Variants in MUC12 observed in about 807,000 individuals in gnomAD.
MUC12 encodes the protein mucin 12, cell surface associated, also known as mucin-12.
Under a neutral mutation model 230.8 loss-of-function variants are expected in MUC12, and 172 were observed. That is an observed-to-expected ratio of 0.75 (90% CI 0.66 to 0.85). MUC12 has a LOEUF of 0.85. Among genes scored for constraint, MUC12 ranks in the 40% least tolerant of loss-of-function variants. The probability of loss-of-function intolerance (pLI) is 0.00; values close to 1 mark genes in which losing one functional copy is unlikely to be tolerated. For missense variants in MUC12, 3,506 were observed against 5,920.6 expected, an observed-to-expected ratio of 0.59 and a Z score of 13.38; for synonymous variants, 1,259 against 2,401.9, an observed-to-expected ratio of 0.52 and a Z score of 13.91.
chr7:101,014,258 T>C (rs865855714), intron 9 of MUC12, 184 bp downstream of exon 9: 22 of 547,278 alleles, frequency 4.0e-5, no homozygotes, highest in Middle Eastern at 4.9e-4. Context: ...TCCTGTAGGA[T>C]ACATCAATTT....
At chr7:101,014,266 T>C (rs1793882591) in intron 9 of MUC12, 192 bp downstream of exon 9, 1 of 514,384 alleles carries the variant, frequency 1.9e-6, no homozygotes, top group Non-Finnish European at 3.3e-6. Context: ...GATACATCAA[T>C]TTGGCAGTGT....
Position 100,991,714 on chromosome 7 carries a change from A to G in MUC12, c.1151A>G (p.Glu384Gly), listed in dbSNP as rs1242314873. 1.3e-6 allele frequency: 2 copies of G among 1,538,010 alleles called. No homozygotes were observed. The highest frequency in any genetic ancestry group is 2.4e-5 in the South Asian group (2 of 84,066). The change falls in exon 2 of 12, where the codon GAA becomes GGA. Residue 384 changes from glutamate to glycine, a missense_variant. Transcript: ENST00000536621. ...AGCTCCACAACTTCAGGCCATAGTGAAGAATCAGCAACTTTCCACGGCAGC... is the reference window on the plus strand; with the variant it reads ...AGCTCCACAACTTCAGGCCATAGTGGAGAATCAGCAACTTTCCACGGCAGC... ...PESSTTSGHS[E>G]ESATFHGSTT... is the part of the protein sequence containing the mutation.
chr7:100,971,367 A>C (rs569146223), intron 1 of MUC12, among the ~76,000 whole-genome samples: 12 of 146,062 alleles, frequency 8.2e-5, no homozygotes, highest in Non-Finnish European at 1.6e-4. Context: ...AGAGAGGGAG[A>C]CCTTGAGTTG....
chr7:100,992,534 A>C lies in MUC12; in HGVS notation c.1971A>C (p.Pro657=). 3.3e-6 allele frequency: 5 copies of C among 1,537,986 alleles called. No individual in the cohort carries two copies. Among genetic ancestry groups the C allele is most frequent in the Non-Finnish European group, 4.4e-6 (5 of 1,147,080 alleles). The change falls in exon 2 of 12, where the codon CCA becomes CCC. Residue 657 remains proline (P), a synonymous_variant. Transcript: ENST00000536621. Reference sequence around the variant, plus strand: ...CTACCACATCAGCCTTTGTTGAGCCATCTACAACCTCCCACGGCAGCCCGA... The same window carrying C: ...CTACCACATCAGCCTTTGTTGAGCCCTCTACAACCTCCCACGGCAGCCCGA... ...PPTTTSAFVE[P]STTSHGSPSS...
chr7:100,979,821 T>C (rs1458507868), intron 1 of MUC12, among the ~76,000 whole-genome samples: 2 of 149,568 alleles, frequency 1.3e-5, no homozygotes, highest in Non-Finnish European at 3.0e-5. Flanking sequence ...ATATATAACA[T>C]ATATACATGT....
Position 100,995,973 on chromosome 7 carries a change from A to G in MUC12, c.5410A>G (p.Thr1804Ala). ...AGAATCAAGAACTTCCCACAGCAGCACAACACACACAATATCTTCACCTCC... is the reference window on the plus strand; with the variant it reads ...AGAATCAAGAACTTCCCACAGCAGCGCAACACACACAATATCTTCACCTCC... ...SEESRTSHSS[T>A]THTISSPPST... Residue 1804 changes from threonine (T) to alanine (A), a missense_variant, in exon 2 of 12, where the codon ACA (threonine) becomes GCA (alanine). Thr to Ala is a moderately conservative substitution (Grantham distance 58, BLOSUM62 0). Transcript: ENST00000536621. The G allele has an allele frequency of 1.2e-6, 1 of 843,106 alleles. No homozygotes were observed. The highest frequency in any genetic ancestry group is 1.7e-6 in the Non-Finnish European group (1 of 579,860). 52.2% of individuals were successfully genotyped at this position (843,106 alleles called of 1,614,324 possible).
Position 100,994,075 on chromosome 7 carries a change from C to G in MUC12, c.3512C>G (p.Thr1171Arg). The G allele has an allele frequency of 9.8e-7, 1 of 1,025,344 alleles. No individual in the cohort carries two copies. Among genetic ancestry groups the G allele is most frequent in the Non-Finnish European group, 1.3e-6 (1 of 758,964 alleles). 63.5% of individuals were successfully genotyped at this position (1,025,344 alleles called of 1,614,324 possible). ...YSSSRGSTET[T>R]VFPHSTTTSV... ...AGCAGCCGAGGCTCAACTGAAACCACAGTGTTCCCTCACAGCACCACAACC... is the reference window on the plus strand; with the variant it reads ...AGCAGCCGAGGCTCAACTGAAACCAGAGTGTTCCCTCACAGCACCACAACC... Residue 1171 changes from threonine (T) to arginine (R), a missense_variant, in exon 2 of 12, where the codon ACA (threonine) becomes AGA (arginine). Coordinates refer to ENST00000536621, the MANE Select transcript of MUC12 (RefSeq NM_001164462.2).
At position 100,992,537 on chromosome 7, in the gene MUC12, T is replaced by A. The variant is rs1332244586; in HGVS notation, c.1974T>A (p.Ser658=). Residue 658 remains serine (S), a synonymous_variant, in exon 2 of 12, where the codon TCT becomes TCA. Coordinates refer to ENST00000536621, the MANE Select transcript of MUC12 (RefSeq NM_001164462.2). ...PTTTSAFVEP[S]TTSHGSPSSI... Reference sequence around the variant, plus strand: ...CCACATCAGCCTTTGTTGAGCCATCTACAACCTCCCACGGCAGCCCGAGCT... The same window carrying A: ...CCACATCAGCCTTTGTTGAGCCATCAACAACCTCCCACGGCAGCCCGAGCT... 6.5e-7 allele frequency: 1 copy of A among 1,537,988 alleles called. No homozygotes were observed. Among genetic ancestry groups the A allele is most frequent in the Admixed American group, 2.0e-5 (1 of 51,000 alleles).
In MUC12 at chr7:100,990,874, T is replaced by A. The variant is rs1414558942; in HGVS notation, c.311T>A (p.Val104Asp). The change falls in exon 2 of 12, where the codon GTT becomes GAT. Residue 104 changes from valine (V) to aspartate (D), a missense_variant. Physicochemically the swap from Val to Asp is radical, Grantham distance 152. Transcript: ENST00000536621. The stretch of plus-strand genomic sequence containing the variant: ...TTCCCTTCCCACTCTGCAACCTCAG[T>A]TTTTGTTGGAGAACCTAAAACCTCA... ...TLFPSHSATS[V>D]FVGEPKTSPI... is the part of the protein sequence containing the mutation. 5 of 1,537,618 alleles carry A rather than the reference T, an allele frequency of 3.3e-6. No individual in the cohort carries two copies. Among genetic ancestry groups the A allele is most frequent in the Non-Finnish European group, 4.4e-6 (5 of 1,146,990 alleles).
At chr7:100,972,281 C>G (rs1792920271) in intron 1 of MUC12, 7 of 698,212 alleles carry the variant, frequency 1.0e-5, no homozygotes, top group Non-Finnish European at 1.8e-5. Flanking sequence ...ACGGCCACCA[C>G]TTGACAGTGG....
Position 101,004,493 on chromosome 7 carries a change from C to T in MUC12, c.13930C>T (p.Pro4644Ser). 1 of 1,533,324 alleles carries T rather than the reference C, an allele frequency of 6.5e-7. No homozygotes were observed. The highest frequency in any genetic ancestry group is 8.7e-7 in the Non-Finnish European group (1 of 1,145,902). The allele number at this position is 1,533,324 out of a possible 1,614,324, so 95.0% of individuals were successfully genotyped here. ...HSSTTHTISS[P>S]PSTTSALVEE... ...CAGCACAACACACACAATATCTTCA[C>T]CTCCTAGCACCACATCTGCCCTTGT... The change falls in exon 2 of 12, where the codon CCT (proline) becomes TCT (serine). Residue 4644 changes from proline to serine, a missense_variant. By Grantham distance (74) the Pro-to-Ser change is moderately conservative. Coordinates refer to ENST00000536621, the MANE Select transcript of MUC12 (RefSeq NM_001164462.2).
chr7:101,005,322 T>C lies in MUC12; in HGVS notation c.14759T>C (p.Leu4920Ser), dbSNP rs1793726945. 2 of 1,537,700 alleles carry C rather than the reference T, an allele frequency of 1.3e-6. No homozygotes were observed. The highest frequency in any genetic ancestry group is 2.7e-5 in the African/African-American group (2 of 73,006). The change falls in exon 2 of 12, where the codon TTA becomes TCA. Residue 4920 changes from leucine (L) to serine (S), a missense_variant. By Grantham distance (145) the Leu-to-Ser change is moderately radical. Coordinates refer to ENST00000536621, the MANE Select transcript of MUC12 (RefSeq NM_001164462.2). ...TCAGACGCAACTGGAACAACACCCT[T>C]ACCTGCCCGCTCCACAGCCTCAGAC... ...SSSDATGTTP[L>S]PARSTASDLV...
chr7:100,973,183 G>T (rs1451545370), intron 1 of MUC12: 5 of 611,966 alleles, frequency 8.2e-6, no homozygotes, highest in East Asian at 2.7e-5. Flanking sequence ...GGCACCCAAA[G>T]CTATCCTGGG....
chr7:100,992,184 A>G lies in MUC12; in HGVS notation c.1621A>G (p.Thr541Ala), dbSNP rs1241803942. The change falls in exon 2 of 12, where the codon ACC becomes GCC. Residue 541 changes from threonine (T) to alanine (A), a missense_variant. Coordinates refer to ENST00000536621, the MANE Select transcript of MUC12 (RefSeq NM_001164462.2). ...CACAACAGCATTCCCTGGCAGTACC[A>G]CCATGCCAGGCCTCAGTCAGGAATC... ...THTTAFPGST[T>A]MPGLSQESTA... is the part of the protein sequence containing the mutation. The G allele has an allele frequency of 3.3e-6, 5 of 1,537,756 alleles. No individual in the cohort carries two copies. The African/African-American group carries it at 4.1e-5, about 13-fold the overall frequency.
intron 1 of MUC12, 90 bp from the exon 2 acceptor site, chr7:100,990,541 C>A (rs905252635): frequency 6.8e-7 from 1 of 1,467,790 alleles, no homozygotes; most frequent in Non-Finnish European, 9.2e-7. Context: ...CAGGTGTCTT[C>A]CAGCCCGGAT....
At position 101,012,853 on chromosome 7, in the gene MUC12, C is replaced by G. The variant is rs888508762; in HGVS notation, c.15438C>G (p.Phe5146Leu). The change falls in exon 7 of 12, where the codon TTC (phenylalanine) becomes TTG (leucine). Residue 5146 changes from phenylalanine to leucine, a missense_variant. Phe to Leu is a conservative substitution (Grantham distance 22). Transcript: ENST00000536621. ...TGTGCTATAGTGAAGAGGACACTTT[C>G]GTGGATTCATCGGTGACTCCGGGCT... is the stretch of plus-strand genomic sequence containing the variant. ...AILCYSEEDT[F>L]VDSSVTPGFD... 26 of 1,537,132 alleles carry G rather than the reference C, an allele frequency of 1.7e-5. No homozygotes were observed. Among genetic ancestry groups the G allele is most frequent in the Middle Eastern group, 3.3e-4 (2 of 6,012 alleles).
chr7:100,992,525 T>C lies in MUC12; in HGVS notation c.1962T>C (p.Phe654=), dbSNP rs369485609. 455 of 1,537,936 alleles carry C rather than the reference T, an allele frequency of 3.0e-4. 3 individuals carry two copies. The African/African-American group carries it at 5.9e-3, about 20-fold the overall frequency. Reference sequence around the variant, plus strand: ...CACCTCCTACTACCACATCAGCCTTTGTTGAGCCATCTACAACCTCCCACG... The same window carrying C: ...CACCTCCTACTACCACATCAGCCTTCGTTGAGCCATCTACAACCTCCCACG... ...RPAPPTTTSA[F]VEPSTTSHGS... Residue 654 remains phenylalanine, a synonymous_variant, in exon 2 of 12, where the codon TTT becomes TTC. Coordinates refer to ENST00000536621, the MANE Select transcript of MUC12 (RefSeq NM_001164462.2).
rs1793795042 is a variant in MUC12, at chr7:101,008,737, C to T, written c.15162C>T (p.Asn5054=). The change falls in exon 4 of 12, where the codon AAC becomes AAT. Residue 5054 remains asparagine, a synonymous_variant. Transcript: ENST00000536621. ...MNDASSQEYQ[N]FSTLFKNRMD... is the part of the protein sequence containing the mutation. The stretch of plus-strand genomic sequence containing the variant: ...ACGCATCCTCCCAGGAATACCAGAA[C>T]TTCAGTACCCTCTTCAAGAATCGGG... 2 of 1,537,096 alleles carry T rather than the reference C, an allele frequency of 1.3e-6. No individual in the cohort carries two copies. The highest frequency in any genetic ancestry group is 1.4e-5 in the African/African-American group (1 of 73,040).
intron 1 of MUC12, among the ~76,000 whole-genome samples, chr7:100,970,525 G>C (rs1364231918): frequency 6.9e-6 from 1 of 145,452 alleles, no homozygotes; most frequent in East Asian, 2.0e-4. Flanking sequence ...GAGAAATAAA[G>C]AAAGAAGGAA....
Sources: allele counts gnomAD v4.1 joint callset (sites outside exome capture counted in the v4.1 genomes callset), GRCh38; gene constraint gnomAD v4.1.1; transcripts MANE v1.5; gene names NCBI Gene and HGNC (gene_info 2026-07-23, HGNC 2026-07-21).